The following STX5 variants were observed in gnomAD, a reference collection of about 807,000 sequenced individuals.
The protein encoded by STX5 is syntaxin-5.
In STX5, 15 loss-of-function variants were observed where a neutral mutation model predicts 42.9. The ratio of observed to expected loss-of-function variants is 0.35; its 90% CI spans 0.23 to 0.54. The LOEUF (loss-of-function observed/expected upper bound fraction) is 0.54, where lower values mean the gene tolerates loss of function less well. STX5 is among the 20% of genes least tolerant of loss of function. STX5 has a pLI of 0.91. For synonymous variants in STX5, 184 were observed against 173.2 expected, an observed-to-expected ratio of 1.06 and a Z score of -0.49; for missense variants, 430 against 455.0, an observed-to-expected ratio of 0.95 and a Z score of 0.50.
At chr11:62,811,541 A>G (rs1737996230) in intron 10 of STX5, among the ~76,000 whole-genome samples, 1 of 152,124 alleles carries the variant, frequency 6.6e-6, no homozygotes, top group African/African-American at 2.4e-5. Flanking sequence ...CACATGGAAC[A>G]GCTTCTCCTT....
Position 62,824,561 on chromosome 11 carries a change from A to G in STX5, c.684T>C (p.Gly228=), listed in dbSNP as rs1291993982. Residue 228 remains glycine, a synonymous_variant, in exon 9 of 11, where the codon GGT becomes GGC. Coordinates refer to ENST00000294179, the MANE Select transcript of STX5 (RefSeq NM_003164.5). ...ACTCTGCCCCCAGAACCACAGCACC[A>G]CCGCCTGGGGGAGAAAACAGGATGT... ...ALPLAPNHLG[G]GAVVLGAESH... 1.2e-6 allele frequency: 2 copies of G among 1,614,040 alleles called. No homozygotes were observed. The highest frequency in any genetic ancestry group is 2.2e-5 in the East Asian group (1 of 44,874).
Position 62,831,149 on chromosome 11 carries a change from C to T in STX5, c.95G>A (p.Gly32Asp). ...KTQVLSPATAGSSSSDIAPLP... is the reference protein window; with the variant it reads ...KTQVLSPATADSSSSDIAPLP... Reference sequence around the variant, plus strand: ...AGGGGCGATGTCGCTGCTGCTACTGCCAGCAGTTGCAGGGGACAGGACCTG... The same window carrying T: ...AGGGGCGATGTCGCTGCTGCTACTGTCAGCAGTTGCAGGGGACAGGACCTG... The change falls in exon 2 of 11, where the codon GGC (glycine) becomes GAC (aspartate). Residue 32 changes from glycine to aspartate, a missense_variant. By Grantham distance (94) the Gly-to-Asp change is moderately conservative. Transcript: ENST00000294179. 2.6e-6 allele frequency: 4 copies of T among 1,559,256 alleles called. No homozygotes were observed. Among genetic ancestry groups the T allele is most frequent in the Non-Finnish European group, 3.5e-6 (4 of 1,151,322 alleles).
intron 10 of STX5, among the ~76,000 whole-genome samples, chr11:62,820,409 C>T (rs2084728065): frequency 6.6e-6 from 1 of 150,984 alleles, no homozygotes; most frequent in Admixed American, 6.6e-5. Context: ...TGTGGTGGCT[C>T]ACATATGTAA....
rs549616317 is a variant in STX5 at position 62,812,366 on chromosome 11, T to G, written c.909-4738A>C. Among the ~76,000 whole-genome samples, 7 of 151,924 alleles carry G rather than the reference T, an allele frequency of 4.6e-5. No individual in the cohort carries two copies. In the East Asian group the frequency reaches 1.4e-3, roughly 30 times the overall value. The stretch of plus-strand genomic sequence containing the variant: ...TGCTGGGATTACAGGCATGAGCCAC[T>G]GCGCCTGGCCCTCCATATCTTTTAT... On this transcript the variant is annotated intron_variant, in intron 10 of 10. Coordinates refer to ENST00000294179, the MANE Select transcript of STX5 (RefSeq NM_003164.5).
At chr11:62,812,724 A>C (rs996709798) in intron 10 of STX5, among the ~76,000 whole-genome samples, 14 of 151,834 alleles carry the variant, frequency 9.2e-5, no homozygotes, top group Admixed American at 9.2e-4. Flanking sequence ...CCCAGACTTA[A>C]TATTCTAATA....
At position 62,818,565 on chromosome 11, in the gene STX5, G is replaced by GA. The variant is rs1307603732; in HGVS notation, c.908+5600dup. ...CAACAAGAGCAAAAACTCTGTCTCA[G>GA]AAAAAAAAAAAAAAAAGAATAAATC... On this transcript the variant is annotated intron_variant, in intron 10 of 10. Coordinates refer to ENST00000294179, the MANE Select transcript of STX5 (RefSeq NM_003164.5). Among the ~76,000 whole-genome samples the GA allele has an allele frequency of 5.4e-3, 498 of 92,666 alleles. 2 individuals carry two copies. The highest frequency in any genetic ancestry group is 0.014 in the Middle Eastern group (2 of 144). 60.8% of individuals were successfully genotyped at this position (92,666 alleles called of 152,430 possible).
intron 2 of STX5, among the ~76,000 whole-genome samples, chr11:62,830,725 C>T (rs1292473952): frequency 6.6e-6 from 1 of 152,170 alleles, no homozygotes; most frequent in Non-Finnish European, 1.5e-5. Context: ...CTTCCTAGAA[C>T]TTGTTCCTTA....
chr11:62,823,375 T>A (rs908666256), intron 10 of STX5, among the ~76,000 whole-genome samples: 13 of 151,958 alleles, frequency 8.6e-5, no homozygotes, highest in African/African-American at 3.1e-4. Context: ...GGTTTCACCA[T>A]GTTGCCCAGG....
chr11:62,831,679 G>A (rs879818714), intron 1 of STX5, among the ~76,000 whole-genome samples: 4 of 152,156 alleles, frequency 2.6e-5, no homozygotes, highest in Non-Finnish European at 5.9e-5. Context: ...GGGCGGAGGG[G>A]GAAAACCTCT....
intron 10 of STX5, among the ~76,000 whole-genome samples, chr11:62,811,587 G>A (rs2084617397): frequency 6.6e-6 from 1 of 151,548 alleles, no homozygotes; most frequent in African/African-American, 2.4e-5. Context: ...CCAAGTCTTA[G>A]CTTGGTATCA....
intron 10 of STX5, among the ~76,000 whole-genome samples, chr11:62,820,418 A>G (rs1362274624): frequency 6.6e-6 from 1 of 151,148 alleles, no homozygotes; most frequent in African/African-American, 2.4e-5. Context: ...TCACATATGT[A>G]ATCCCAGCAC....
At chr11:62,817,467 GA>G (rs1436726461) in intron 10 of STX5, among the ~76,000 whole-genome samples, 1 of 151,894 alleles carries the variant, frequency 6.6e-6, no homozygotes, top group Non-Finnish European at 1.5e-5. Flanking sequence ...AACTGCCTGC[GA>G]AAACAAAAAA....
intron 2 of STX5, among the ~76,000 whole-genome samples, chr11:62,828,775 A>G (rs961975818): frequency 2.0e-5 from 3 of 151,378 alleles, no homozygotes; most frequent in Non-Finnish European, 1.5e-5. Context: ...ATAAATAAAT[A>G]CAGTTACTTG....
chr11:62,830,904 C>A (rs1315512728), intron 2 of STX5, 115 bp downstream of exon 2: 48 of 979,098 alleles, frequency 4.9e-5, no homozygotes, highest in Middle Eastern at 6.0e-4. Context: ...CCCATCCAAG[C>A]CTATCAGTTC....
chr11:62,809,398 G>A (rs1340128885), intron 10 of STX5, among the ~76,000 whole-genome samples: 1 of 151,826 alleles, frequency 6.6e-6, no homozygotes, highest in Non-Finnish European at 1.5e-5. Flanking sequence ...TTATGGGCAG[G>A]GCGTGGTGGC....
intron 10 of STX5, among the ~76,000 whole-genome samples, chr11:62,818,705 GA>G (rs2084703527): frequency 7.1e-6 from 1 of 141,796 alleles, no homozygotes; most frequent in Non-Finnish European, 1.5e-5. Flanking sequence ...AAAAAAAAAA[GA>G]AAAAAAATCA....
At chr11:62,808,239 A>G (rs1394056115) in intron 10 of STX5, among the ~76,000 whole-genome samples, 1 of 151,988 alleles carries the variant, frequency 6.6e-6, no homozygotes, top group African/African-American at 2.4e-5. Context: ...CAGCCTAGGC[A>G]ACATGGCAAA....
chr11:62,807,694 CCA>C lies in STX5; in HGVS notation c.909-68_909-67del, dbSNP rs1565205302. The C allele has an allele frequency of 1.9e-6, 3 of 1,587,888 alleles. No individual in the cohort carries two copies. In the East Asian group the frequency reaches 6.8e-5, roughly 36 times the overall value. Reference sequence around the variant, plus strand: ...GGATTAAAAAGAATGCTGTTGAAGTCCATTTATTGACATGGAAAGATGGTCAC... The same window carrying C: ...GGATTAAAAAGAATGCTGTTGAAGTCTTTATTGACATGGAAAGATGGTCAC... On this transcript the variant is annotated intron_variant, in intron 10 of 10. Transcript: ENST00000294179.
chr11:62,808,034 G>T (rs539905337), intron 10 of STX5: 167 of 166,064 alleles, frequency 1.0e-3, no homozygotes, highest in Admixed American at 4.7e-3. Flanking sequence ...TATATTTATT[G>T]TAAGGGGAAA....
Sources: allele counts gnomAD v4.1 joint callset (sites outside exome capture counted in the v4.1 genomes callset), GRCh38; gene constraint gnomAD v4.1.1; transcripts MANE v1.5; gene names NCBI Gene and HGNC (gene_info 2026-07-23, HGNC 2026-07-21).